Variants in NCAM2 observed in about 807,000 individuals in gnomAD.
NCAM2 encodes the protein N-CAM-2.
A neutral mutation model predicts 98.1 loss-of-function variants in NCAM2; 30 were observed. That is an observed-to-expected ratio of 0.31 (90% CI 0.23 to 0.41). The LOEUF (loss-of-function observed/expected upper bound fraction) is 0.41, where lower values mean the gene tolerates loss of function less well. NCAM2 is among the 10% of genes least tolerant of loss of function. The pLI is 1.00. For missense variants in NCAM2, 867 were observed against 1,005.8 expected (o/e 0.86, Z 1.87); for synonymous variants, 368 against 342.4 (o/e 1.07, Z -0.83).
intron 9 of NCAM2, among the ~76,000 whole-genome samples, chr21:21,377,241 A>G (rs2076053633): frequency 6.6e-6 from 1 of 151,776 alleles, no homozygotes; most frequent in Non-Finnish European, 1.5e-5. Flanking sequence ...GTTTTGACCT[A>G]TGTATACACC....
intron 5 of NCAM2, among the ~76,000 whole-genome samples, chr21:21,318,149 T>G (rs1289784720): frequency 6.6e-6 from 1 of 152,190 alleles, no homozygotes; most frequent in Non-Finnish European, 1.5e-5. Context: ...CAAGGTTTCT[T>G]GAAATACTCT....
intron 1 of NCAM2, among the ~76,000 whole-genome samples, chr21:21,206,127 GTTAA>G (rs1435951244): frequency 6.6e-6 from 1 of 152,148 alleles, no homozygotes. Flanking sequence ...ATTAGCAAAT[GTTAA>G]TTAAGTGAAT....
intron 11 of NCAM2, 132 bp from the exon 12 acceptor site, chr21:21,431,976 C>A: frequency 1.5e-6 from 1 of 674,600 alleles, no homozygotes. Flanking sequence ...TCAGGAAGTT[C>A]TGTAACTCGA....
At chr21:21,467,383 TA>T (rs1983825293) in intron 13 of NCAM2, among the ~76,000 whole-genome samples, 1 of 63,984 alleles carries the variant, frequency 1.6e-5, no homozygotes, top group African/African-American at 6.7e-5. Flanking sequence ...TATATATCTT[TA>T]TATATATATA....
intron 1 of NCAM2, among the ~76,000 whole-genome samples, chr21:21,069,554 C>A (rs188709412): frequency 3.9e-5 from 6 of 152,094 alleles, no homozygotes; most frequent in Non-Finnish European, 8.8e-5. Flanking sequence ...GGTGATGATT[C>A]CCCAACTGTG....
chr21:21,357,409 G>A (rs2075520129), intron 8 of NCAM2, among the ~76,000 whole-genome samples: 1 of 151,972 alleles, frequency 6.6e-6, no homozygotes, highest in African/African-American at 2.4e-5. Context: ...ATTATAGGGG[G>A]CATTTTAAGA....
intron 1 of NCAM2, among the ~76,000 whole-genome samples, chr21:21,149,947 GATCA>G (rs1429977154): frequency 6.6e-6 from 1 of 151,998 alleles, no homozygotes; most frequent in Non-Finnish European, 1.5e-5. Context: ...GGGATTGCTG[GATCA>G]AATGGTGTTT....
intron 15 of NCAM2, among the ~76,000 whole-genome samples, chr21:21,480,812 C>T (rs1300561242): frequency 6.6e-6 from 1 of 152,172 alleles, no homozygotes; most frequent in Non-Finnish European, 1.5e-5. Context: ...GCTGCCTTTG[C>T]AATAGATTGG....
intron 7 of NCAM2, among the ~76,000 whole-genome samples, chr21:21,336,823 T>C (rs545170428): frequency 7.2e-5 from 11 of 152,256 alleles, no homozygotes; most frequent in African/African-American, 2.6e-4. Context: ...GAGAAAGAAA[T>C]TGGATAAATC....
chr21:21,268,564 A>G (rs1156705716), intron 1 of NCAM2, among the ~76,000 whole-genome samples: 2 of 152,096 alleles, frequency 1.3e-5, no homozygotes, highest in Non-Finnish European at 2.9e-5. Context: ...GTGAGCTCCA[A>G]TTTCGTTATA....
chr21:21,080,196 A>T (rs2065763046), intron 1 of NCAM2, among the ~76,000 whole-genome samples: 1 of 152,218 alleles, frequency 6.6e-6, no homozygotes, highest in Admixed American at 6.5e-5. Flanking sequence ...GCTCAGTCCC[A>T]TCAAATTGTA....
At position 21,365,238 on chromosome 21, in the gene NCAM2, C is replaced by CGTGTGTGTGTGTGTGTGT. The variant is rs66559489; in HGVS notation, c.1045-8608_1045-8591dup. On this transcript the variant is annotated intron_variant, in intron 8 of 17. Transcript: ENST00000400546. ...GATTTGAGCTAATTATTGCTTAGTG[C>CGTGTGTGTGTGTGTGTGT]GTGTGTGTGTGTGTGTGTGTGTGTG... Among the ~76,000 whole-genome samples the CGTGTGTGTGTGTGTGTGT allele has an allele frequency of 2.2e-3, 319 of 147,006 alleles. 1 individual carries two copies. The highest frequency in any genetic ancestry group is 3.4e-3 in the Non-Finnish European group (224 of 66,830).
chr21:21,225,802 AT>A (rs141432490), intron 1 of NCAM2, among the ~76,000 whole-genome samples: 60 of 152,226 alleles, frequency 3.9e-4, no homozygotes, highest in African/African-American at 1.4e-3. Flanking sequence ...ACACCAAAGA[AT>A]TAATGAACAT....
intron 1 of NCAM2, among the ~76,000 whole-genome samples, chr21:21,075,510 C>T (rs8132838): frequency 0.037 from 5,636 of 151,990 alleles, 325 homozygotes; most frequent in African/African-American, 0.13. Flanking sequence ...ATAGAAATGG[C>T]GAGGACAGAT....
At chr21:21,411,058 A>G (rs1326971885) in intron 10 of NCAM2, among the ~76,000 whole-genome samples, 5 of 84,684 alleles carry the variant, frequency 5.9e-5, no homozygotes, top group Non-Finnish European at 1.1e-4. Context: ...GTGTGTGTAT[A>G]TATATATATA....
intron 9 of NCAM2, among the ~76,000 whole-genome samples, chr21:21,393,186 C>A (rs955413945): frequency 6.6e-6 from 1 of 152,114 alleles, no homozygotes; most frequent in Admixed American, 6.6e-5. Flanking sequence ...ATCCCAGCAC[C>A]ATTTATTGAA....
At chr21:21,282,674 G>A (rs985768556) in intron 2 of NCAM2, among the ~76,000 whole-genome samples, 3 of 151,430 alleles carry the variant, frequency 2.0e-5, no homozygotes, top group East Asian at 3.9e-4. Context: ...AAACTAGAAG[G>A]ATGTTACACC....
At chr21:21,188,008 T>A (rs539489084) in intron 1 of NCAM2, among the ~76,000 whole-genome samples, 1 of 152,316 alleles carries the variant, frequency 6.6e-6, no homozygotes, top group African/African-American at 2.4e-5. Flanking sequence ...AAATGGAGGA[T>A]ATTCATTTAT....
At chr21:21,325,471 A>G (rs938304417) in intron 6 of NCAM2, among the ~76,000 whole-genome samples, 1 of 152,160 alleles carries the variant, frequency 6.6e-6, no homozygotes, top group African/African-American at 2.4e-5. Context: ...AATAAATGAG[A>G]TGTTTCTTCA....
Sources: gnomAD v4.1 joint callset for allele counts (sites outside exome capture counted in the v4.1 genomes callset) on GRCh38, gnomAD v4.1.1 for gene constraint, MANE v1.5 for transcripts, NCBI Gene and HGNC (gene_info 2026-07-23, HGNC 2026-07-21) for gene names.